NFASC: variants seen among roughly 807,000 people sequenced by gnomAD.
NFASC encodes neurofascin homolog.
A neutral mutation model predicts 147.5 loss-of-function variants in NFASC; 43 were observed. That is an observed-to-expected ratio of 0.29 (90% CI 0.23 to 0.38). NFASC has a LOEUF of 0.38. NFASC is among the 10% of genes least tolerant of loss of function. NFASC has a pLI of 1.00. For synonymous variants in NFASC, 622 were observed against 665.5 expected, an observed-to-expected ratio of 0.93 and a Z score of 1.01; for missense variants, 1,320 against 1,689.0, an observed-to-expected ratio of 0.78 and a Z score of 3.83.
In NFASC at chr1:205,012,228, A is replaced by G. The variant is rs115177078; in HGVS notation, c.3422-569A>G. ...CCTCGGCTGAATGCTCACACATCAC[A>G]GAGGAAGTGGAGGAAAGGGGGCACG... On this transcript the variant is annotated intron_variant, in intron 28 of 29. Coordinates refer to ENST00000339876, the MANE Select transcript of NFASC (RefSeq NM_001005388.3). Among the ~76,000 whole-genome samples the G allele has an allele frequency of 6.3e-3, 953 of 152,312 alleles. 8 individuals are homozygous for G. The highest frequency in any genetic ancestry group is 0.022 in the African/African-American group (916 of 41,556).
intron 2 of NFASC, among the ~76,000 whole-genome samples, chr1:204,930,001 G>C (rs1474404039): frequency 1.3e-5 from 2 of 152,244 alleles, no homozygotes; most frequent in Non-Finnish European, 1.5e-5. Context: ...CAGAGGGCAG[G>C]AGGGGAAGTG....
chr1:204,844,570 A>T (rs961454541), intron 1 of NFASC, among the ~76,000 whole-genome samples: 1 of 152,184 alleles, frequency 6.6e-6, no homozygotes, highest in African/African-American at 2.4e-5. Context: ...TGGTAAAGAT[A>T]ACTACACAGG....
At chr1:204,973,782 G>A (rs2095327569) in intron 12 of NFASC, among the ~76,000 whole-genome samples, 1 of 152,168 alleles carries the variant, frequency 6.6e-6, no homozygotes, top group Non-Finnish European at 1.5e-5. Flanking sequence ...GTGTATCCAT[G>A]TTGACTTCCC....
intron 4 of NFASC, among the ~76,000 whole-genome samples, chr1:204,951,470 ATTTTTT>A (rs72061574): frequency 1.5e-5 from 2 of 134,596 alleles, no homozygotes; most frequent in Non-Finnish European, 3.2e-5. Context: ...GGCCTATGGG[ATTTTTT>A]TTTTTTTTTT....
At chr1:204,881,034 A>C (rs1458617942) in intron 1 of NFASC, among the ~76,000 whole-genome samples, 2 of 152,196 alleles carry the variant, frequency 1.3e-5, no homozygotes, top group African/African-American at 2.4e-5. Context: ...ACTGCAACTC[A>C]CAAATGTCAG....
Position 204,975,986 on chromosome 1 carries a change from AG to A in NFASC, c.1706+571del, listed in dbSNP as rs2095393746. 6.6e-6 allele frequency among the ~76,000 whole-genome samples: 1 copy of A among 152,050 alleles called. No homozygotes were observed. Among genetic ancestry groups the A allele is most frequent in the African/African-American group, 2.4e-5 (1 of 41,428 alleles). On this transcript the variant is annotated intron_variant, in intron 15 of 29. Transcript: ENST00000339876. This position sits in a 1 kb window ranked among gnomAD's most constrained non-coding sequence, Gnocchi z 4.0. Reference sequence around the variant, plus strand: ...CCCCCTGGGGGTTCCAGTGTGCATCAGGGTTGAGAACCACTGTTCCGAGCCT... The same window carrying A: ...CCCCCTGGGGGTTCCAGTGTGCATCAGGTTGAGAACCACTGTTCCGAGCCT...
chr1:204,947,154 T>C (rs2093802652), intron 3 of NFASC: 1 of 276,760 alleles, frequency 3.6e-6, no homozygotes, highest in Non-Finnish European at 7.2e-6. Flanking sequence ...TCAAGACCCA[T>C]GGGCTTCTGG....
At chr1:204,849,721 C>T (rs2075503496) in intron 1 of NFASC, among the ~76,000 whole-genome samples, 1 of 152,198 alleles carries the variant, frequency 6.6e-6, no homozygotes, top group African/African-American at 2.4e-5. Flanking sequence ...ATCCATCCCC[C>T]TGGAAGTGCC....
intron 1 of NFASC, among the ~76,000 whole-genome samples, chr1:204,894,526 A>G (rs918851564): frequency 1.3e-5 from 2 of 152,226 alleles, no homozygotes; most frequent in Non-Finnish European, 2.9e-5. Context: ...AGATATTAGC[A>G]TGCTGAGTAG....
At chr1:204,869,580 A>G (rs1249189054) in intron 1 of NFASC, among the ~76,000 whole-genome samples, 1 of 152,156 alleles carries the variant, frequency 6.6e-6, no homozygotes, top group African/African-American at 2.4e-5. Flanking sequence ...AGCATTTACC[A>G]TATGTATTAG....
In NFASC at chr1:204,916,237, T is replaced by C. The variant is rs150915032; in HGVS notation, c.-199-4395T>C. ...AGATATCAGGTGCCTTGTTGGTCTCTAGTCCTCCCTGGAGTATCAGGTATC... is the reference window on the plus strand; with the variant it reads ...AGATATCAGGTGCCTTGTTGGTCTCCAGTCCTCCCTGGAGTATCAGGTATC... On this transcript the variant is annotated intron_variant, in intron 1 of 29. Transcript: ENST00000339876. 3.7e-3 allele frequency among the ~76,000 whole-genome samples: 566 copies of C among 152,360 alleles called. 3 individuals carry two copies. Among genetic ancestry groups the C allele is most frequent in the African/African-American group, 0.013 (521 of 41,586 alleles).
chr1:204,992,950 T>TG (rs1487951083), intron 24 of NFASC, among the ~76,000 whole-genome samples: 6 of 152,242 alleles, frequency 3.9e-5, no homozygotes, highest in African/African-American at 1.4e-4. Context: ...CAATCAAATG[T>TG]TTCCTGGGCT....
At chr1:204,962,016 T>C in intron 8 of NFASC, 1 of 1,003,292 alleles carries the variant, frequency 1.0e-6, no homozygotes, top group Non-Finnish European at 1.6e-6. Flanking sequence ...CTCAGTTGTT[T>C]TTCTGGCTTT....
In NFASC at chr1:204,997,484, C is replaced by T. The variant is rs1046308259; in HGVS notation, c.3019+78C>T. The T allele has an allele frequency of 1.2e-5, 18 of 1,502,486 alleles. No individual in the cohort carries two copies. The African/African-American group carries it at 2.5e-4, about 21-fold the overall frequency. 93.1% of individuals were successfully genotyped at this position (1,502,486 alleles called of 1,614,324 possible). A position where few individuals can be genotyped will look rare whatever the true frequency, so the allele number is the denominator to read the frequency against. On this transcript the variant is annotated intron_variant, in intron 25 of 29. Coordinates refer to ENST00000339876, the MANE Select transcript of NFASC (RefSeq NM_001005388.3). ...GCCTCCAGACGAACCCACAGGCTCC[C>T]CCAGCGAGGAGGTGGGGTCTGGGGT...
chr1:205,009,431 A>T (rs1260249921), intron 27 of NFASC, 126 bp from the exon 28 acceptor site: 4 of 1,007,154 alleles, frequency 4.0e-6, no homozygotes, highest in Non-Finnish European at 4.7e-6. Context: ...GGGGGCTGCT[A>T]GGTGGTAGTG....
At chr1:204,906,906 A>AG (rs1572828502) in intron 1 of NFASC, among the ~76,000 whole-genome samples, 4 of 151,996 alleles carry the variant, frequency 2.6e-5, no homozygotes, top group Non-Finnish European at 4.4e-5. Flanking sequence ...GATGGTCTGC[A>AG]TCTCCTGACC....
chr1:204,857,730 C>A (rs766299343), intron 1 of NFASC, among the ~76,000 whole-genome samples: 1 of 152,062 alleles, frequency 6.6e-6, no homozygotes. Flanking sequence ...GTACCACAAC[C>A]CTGGTGGCTT....
At chr1:204,840,580 C>T (rs1279846051) in intron 1 of NFASC, among the ~76,000 whole-genome samples, 4 of 152,188 alleles carry the variant, frequency 2.6e-5, no homozygotes, top group Non-Finnish European at 4.4e-5. Context: ...CGGTTGATTA[C>T]AACATGATGC....
Position 205,009,591 on chromosome 1 carries a change from G to A in NFASC, c.3324G>A (p.Gln1108=), listed in dbSNP as rs1279981385. 6.2e-7 allele frequency: 1 copy of A among 1,614,150 alleles called. No individual in the cohort carries two copies. Among genetic ancestry groups the A allele is most frequent in the South Asian group, 1.1e-5 (1 of 91,086 alleles). Reference sequence around the variant, plus strand: ...ACAACCAAGCGGACATCGCCACCCAGGGCTGGTTCATTGGGCTTATGTGCG... The same window carrying A: ...ACAACCAAGCGGACATCGCCACCCAAGGCTGGTTCATTGGGCTTATGTGCG... ...YTNNQADIAT[Q]GWFIGLMCAI... Residue 1108 remains glutamine, a synonymous_variant, in exon 28 of 30, where the codon CAG becomes CAA. Coordinates refer to ENST00000339876, the MANE Select transcript of NFASC (RefSeq NM_001005388.3).
Sources: gnomAD v4.1 joint callset for allele counts (sites outside exome capture counted in the v4.1 genomes callset) on GRCh38, gnomAD v4.1.1 for gene constraint, Gnocchi (gnomAD v3.1) non-coding constraint, MANE v1.5 for transcripts, NCBI Gene and HGNC (gene_info 2026-07-23, HGNC 2026-07-21) for gene names.